Variants in PPEF1 observed in about 807,000 individuals in gnomAD.
PPEF1 encodes the protein protein phosphatase with EF-hand domain 1.
In PPEF1, 12 loss-of-function variants were observed where a neutral mutation model predicts 53.3. The ratio of observed to expected loss-of-function variants is 0.23; its 90% CI spans 0.14 to 0.36. The LOEUF is 0.36. Ranked by LOEUF, PPEF1 falls within the 10% of genes least tolerant of loss-of-function variation. PPEF1 has a pLI of 1.00. For missense variants in PPEF1, 334 were observed against 490.4 expected, an observed-to-expected ratio of 0.68 and a Z score of 3.01; for synonymous variants, 165 against 176.7, an observed-to-expected ratio of 0.93 and a Z score of 0.52.
intron 12 of PPEF1, among the ~76,000 whole-genome samples, chrX:18,815,907 T>TTTA (rs2046899628): frequency 2.9e-5 from 3 of 103,650 alleles, no homozygotes; most frequent in African/African-American, 7.0e-5. Context: ...TTATTTATTT[T>TTTA]TTTTTTTTTT....
intron 10 of PPEF1, among the ~76,000 whole-genome samples, chrX:18,801,976 T>A: frequency 1.1e-5 from 1 of 92,194 alleles, no homozygotes; most frequent in South Asian, 5.1e-4. Context: ...AGAGCGAGAC[T>A]CCATCACAAA....
intron 6 of PPEF1, among the ~76,000 whole-genome samples, chrX:18,777,202 C>T (rs1302195975): frequency 8.9e-6 from 1 of 112,036 alleles, no homozygotes; most frequent in Non-Finnish European, 1.9e-5. Context: ...CACACTATGC[C>T]ATTGCTTGTT....
chrX:18,722,828 G>A (rs1225724878), intron 1 of PPEF1, among the ~76,000 whole-genome samples: 1 of 110,793 alleles, frequency 9.0e-6, no homozygotes, highest in Non-Finnish European at 1.9e-5. Context: ...GGGGAGAGGA[G>A]ACCATGTAAG....
chrX:18,730,289 A>G lies in PPEF1; in HGVS notation c.155A>G (p.Asp52Gly), dbSNP rs1313266521. The part of the protein sequence containing the change: ...LTIFQSIEYA[D>G]EQGQMQLSTF... ...ATCTTCCAGTCCATCGAATATGCTG[A>G]TGAACAAGGCCAAATGCAGGTCTGT... The change falls in exon 2 of 16, where the codon GAT becomes GGT. Residue 52 changes from aspartate (D) to glycine (G), a missense_variant. Transcript: ENST00000470157. 2.5e-6 allele frequency: 3 copies of G among 1,208,025 alleles called. No homozygotes were observed. In the Admixed American group the frequency reaches 6.6e-5, roughly 27 times the overall value.
intron 6 of PPEF1, among the ~76,000 whole-genome samples, chrX:18,767,907 A>T (rs12850270): frequency 0.45 from 49,894 of 110,198 alleles, 8,648 homozygotes; most frequent in Non-Finnish European, 0.54. Context: ...CAGGAGGTGC[A>T]TAACTATGAC....
chrX:18,803,830 G>A, intron 10 of PPEF1, 62 bp from the exon 11 acceptor site: 1 of 985,230 alleles, frequency 1.0e-6, no homozygotes, highest in East Asian at 3.3e-5. Context: ...CAAATAAGTT[G>A]GAATCTAGAA....
At chrX:18,725,966 A>AG (rs1187005888) in intron 1 of PPEF1, among the ~76,000 whole-genome samples, 2 of 111,030 alleles carry the variant, frequency 1.8e-5, no homozygotes, top group Non-Finnish European at 3.8e-5. Context: ...CAGAGATGGG[A>AG]GGGGGCCTAG....
chrX:18,751,818 T>A (rs1202792199), intron 4 of PPEF1, among the ~76,000 whole-genome samples: 2 of 112,407 alleles, frequency 1.8e-5, no homozygotes, highest in Non-Finnish European at 3.8e-5. Flanking sequence ...GCCATAGATA[T>A]CTGGGTTTGT....
chrX:18,718,318 C>T (rs931346066), intron 1 of PPEF1, among the ~76,000 whole-genome samples: 9 of 111,595 alleles, frequency 8.1e-5, no homozygotes, highest in Non-Finnish European at 1.7e-4. Flanking sequence ...TGTCTGTAAT[C>T]CCAGCACTTT....
chrX:18,819,801 T>C (rs970796568), intron 13 of PPEF1, among the ~76,000 whole-genome samples: 2 of 112,165 alleles, frequency 1.8e-5, no homozygotes, highest in African/African-American at 6.5e-5. Flanking sequence ...ATATTTGACA[T>C]GGTAATGGCT....
chrX:18,784,090 G>A, intron 9 of PPEF1, 42 bp downstream of exon 9: 3 of 1,097,075 alleles, frequency 2.7e-6, no homozygotes, highest in South Asian at 4.5e-5. Flanking sequence ...CAGGGATTTA[G>A]AAGGGAATAC....
At chrX:18,699,490 A>G (rs1929932004) in intron 5 of PPEF1, among the ~76,000 whole-genome samples, 1 of 111,815 alleles carries the variant, frequency 8.9e-6, no homozygotes, top group South Asian at 3.7e-4. Flanking sequence ...TGCCAGGGAA[A>G]CTGCTGGCAG....
chrX:18,788,782 A>G (rs912727670), intron 9 of PPEF1, among the ~76,000 whole-genome samples: 2 of 112,458 alleles, frequency 1.8e-5, no homozygotes, highest in Non-Finnish European at 3.8e-5. Context: ...TAAAGGCTCA[A>G]TAAGGAGACT....
At chrX:18,731,814 T>C (rs1214938145) in intron 2 of PPEF1, among the ~76,000 whole-genome samples, 1 of 112,549 alleles carries the variant, frequency 8.9e-6, no homozygotes, top group African/African-American at 3.2e-5. Context: ...TCTATCTCTA[T>C]GGATTTACCT....
At chrX:18,713,420 C>CTTTTTTTTTTTTTTTTT (rs55997147) in intron 1 of PPEF1, among the ~76,000 whole-genome samples, 19 of 77,503 alleles carry the variant, frequency 2.5e-4, no homozygotes, top group African/African-American at 7.4e-4. Flanking sequence ...CCTTAAAATT[C>CTTTTTTTTTTTTTTTTT]TTTTTTTTTT....
chrX:18,738,233 A>C (rs1354822316), intron 3 of PPEF1, among the ~76,000 whole-genome samples: 1 of 111,539 alleles, frequency 9.0e-6, no homozygotes, highest in Non-Finnish European at 1.9e-5. Flanking sequence ...TGGTCTTTAC[A>C]ATTTGGCATG....
chrX:18,701,219 GC>G (rs764914417), intron 6 of PPEF1, among the ~76,000 whole-genome samples: 7 of 112,260 alleles, frequency 6.2e-5, no homozygotes, highest in African/African-American at 2.3e-4. Context: ...TACTGGTATA[GC>G]ATTCTTTCCG....
intron 3 of PPEF1, among the ~76,000 whole-genome samples, chrX:18,744,255 T>G (rs151251653): frequency 1.1e-3 from 125 of 112,027 alleles, no homozygotes; most frequent in African/African-American, 3.9e-3. Flanking sequence ...GCCACCAGAT[T>G]AATGGTCTTA....
chrX:18,788,841 A>C (rs1358989444), intron 9 of PPEF1, among the ~76,000 whole-genome samples: 1 of 112,550 alleles, frequency 8.9e-6, no homozygotes, highest in Non-Finnish European at 1.9e-5. Flanking sequence ...ATGCCACAGA[A>C]TGTGTTTAAC....
Sources: gnomAD v4.1 joint callset for allele counts (sites outside exome capture counted in the v4.1 genomes callset) on GRCh38, gnomAD v4.1.1 for gene constraint, MANE v1.5 for transcripts, NCBI Gene and HGNC (gene_info 2026-07-23, HGNC 2026-07-21) for gene names.